KCNIP1: variants seen among roughly 807,000 people sequenced by gnomAD.
KCNIP1 encodes the protein A-type potassium channel modulatory protein KCNIP1.
Under a neutral mutation model 33.0 loss-of-function variants are expected in KCNIP1, and 18 were observed. The ratio of observed to expected loss-of-function variants is 0.55; its 90% CI spans 0.38 to 0.81. The LOEUF (loss-of-function observed/expected upper bound fraction) is 0.81. Among genes scored for constraint, KCNIP1 ranks in the 30% least tolerant of loss-of-function variants. The probability of loss-of-function intolerance (pLI) is 0.00; values close to 1 mark genes in which losing one functional copy is unlikely to be tolerated. For missense variants in KCNIP1, 238 were observed against 271.6 expected (o/e 0.88, Z 0.87); for synonymous variants, 93 against 98.3 (o/e 0.95, Z 0.32).
chr5:170,656,996 C>CTTTTT (rs397999901), intron 1 of KCNIP1, among the ~76,000 whole-genome samples: 96 of 109,684 alleles, frequency 8.8e-4, no homozygotes, highest in African/African-American at 1.3e-3. Context: ...TTCTTTCTTT[C>CTTTTT]TTTTTTTTTT....
intron 1 of KCNIP1, among the ~76,000 whole-genome samples, chr5:170,359,450 G>T (rs1348186856): frequency 1.3e-5 from 2 of 152,154 alleles, no homozygotes; most frequent in Non-Finnish European, 2.9e-5. Flanking sequence ...AAGCTTCAAT[G>T]CTGCCCCTTG....
chr5:170,572,459 C>G (rs1757453015), intron 1 of KCNIP1, among the ~76,000 whole-genome samples: 1 of 152,158 alleles, frequency 6.6e-6, no homozygotes, highest in South Asian at 2.1e-4. Context: ...ACAGTGCTTT[C>G]TTGAAGCTTC....
At chr5:170,412,642 G>T (rs1281074921) in intron 1 of KCNIP1, among the ~76,000 whole-genome samples, 1 of 152,190 alleles carries the variant, frequency 6.6e-6, no homozygotes, top group Non-Finnish European at 1.5e-5. Flanking sequence ...GGTCCTTGCA[G>T]TGCTGTCTTG....
At chr5:170,532,777 A>C (rs924597565) in intron 1 of KCNIP1, among the ~76,000 whole-genome samples, 2 of 152,120 alleles carry the variant, frequency 1.3e-5, no homozygotes, top group African/African-American at 4.8e-5. Context: ...GGGGAGGGTC[A>C]CAGTCCCTCA....
At chr5:170,557,881 G>A (rs1261915262) in intron 1 of KCNIP1, among the ~76,000 whole-genome samples, 2 of 152,194 alleles carry the variant, frequency 1.3e-5, no homozygotes, top group Admixed American at 1.3e-4. Flanking sequence ...TTGTTCTGAA[G>A]ATTAAATGAC....
rs533948229 is a variant in KCNIP1, at chr5:170,420,075, T to C, written c.88+66111T>C. ...ACATATGTAACATTACATTTTTTCA[T>C]AGCCACATTGAAAAGAAAAAGGAAC... On this transcript the variant is annotated intron_variant, in intron 1 of 7. Coordinates refer to the KCNIP1 transcript ENST00000377360. Among the ~76,000 whole-genome samples, 18 of 152,334 alleles carry C rather than the reference T, an allele frequency of 1.2e-4. 2 individuals are homozygous for C. Among genetic ancestry groups the C allele is most frequent in the African/African-American group, 4.3e-4 (18 of 41,578 alleles).
intron 1 of KCNIP1, among the ~76,000 whole-genome samples, chr5:170,597,780 G>GATAAATAAATAA (rs1561708477): frequency 3.3e-5 from 3 of 89,980 alleles, no homozygotes; most frequent in African/African-American, 1.5e-4. Flanking sequence ...TGGAGAGAGA[G>GATAAATAAATAA]ATAAATATAT....
At chr5:170,721,624 G>A (rs901821479) in intron 3 of KCNIP1, 1 of 898,356 alleles carries the variant, frequency 1.1e-6, no homozygotes, top group Non-Finnish European at 1.7e-6. Context: ...CTAGAGGGAG[G>A]GGCAAGGGCT....
chr5:170,485,955 A>G (rs1302480355), intron 1 of KCNIP1: 2 of 152,296 alleles, frequency 1.3e-5, no homozygotes, highest in African/African-American at 4.8e-5. Context: ...TTCTCATTTT[A>G]TCGTCCTAAG....
chr5:170,638,712 G>T (rs1760399328), intron 1 of KCNIP1, among the ~76,000 whole-genome samples: 1 of 149,298 alleles, frequency 6.7e-6, no homozygotes, highest in Non-Finnish European at 1.5e-5. Context: ...TGCTCTTGGG[G>T]GCAGCCAGTC....
intron 1 of KCNIP1, among the ~76,000 whole-genome samples, chr5:170,593,734 G>C (rs528464181): frequency 1.3e-5 from 2 of 152,144 alleles, no homozygotes; most frequent in African/African-American, 4.8e-5. Flanking sequence ...GGGCTGGGGG[G>C]CCTCATCCCT....
chr5:170,438,946 G>A (rs1450428958), intron 1 of KCNIP1, among the ~76,000 whole-genome samples: 1 of 152,092 alleles, frequency 6.6e-6, no homozygotes, highest in Non-Finnish European at 1.5e-5. Context: ...GACCCCTCGG[G>A]TACCTTTCAC....
chr5:170,578,736 T>A (rs560600532), intron 1 of KCNIP1, among the ~76,000 whole-genome samples: 1 of 152,168 alleles, frequency 6.6e-6, no homozygotes, highest in Non-Finnish European at 1.5e-5. Context: ...ATAAATGCTA[T>A]GGAAGAAATA....
rs567183672 is a variant in KCNIP1, at chr5:170,717,988, C to T, written c.62-770C>T. Among the ~76,000 whole-genome samples, 12 of 152,340 alleles carry T rather than the reference C, an allele frequency of 7.9e-5. No homozygotes were observed. In the South Asian group the frequency reaches 2.3e-3, roughly 29 times the overall value. The stretch of plus-strand genomic sequence containing the variant: ...TGATGGTAAAACGTTGAAAATTCCA[C>T]GGACTTGGACCTTGTGATCCTTCAG... On this transcript the variant is annotated intron_variant, in intron 1 of 7. Coordinates refer to ENST00000328939, the MANE Select transcript of KCNIP1 (RefSeq NM_014592.4).
intron 1 of KCNIP1, among the ~76,000 whole-genome samples, chr5:170,560,351 G>C (rs1324058142): frequency 6.6e-6 from 1 of 152,202 alleles, no homozygotes; most frequent in Non-Finnish European, 1.5e-5. Context: ...TCAGGTTTCA[G>C]ATCTGCTGGA....
chr5:170,521,085 C>A (rs1390797967), intron 1 of KCNIP1, among the ~76,000 whole-genome samples: 2 of 152,180 alleles, frequency 1.3e-5, no homozygotes, highest in Non-Finnish European at 2.9e-5. Context: ...GGGTCTCAGG[C>A]AACAGACTTG....
intron 1 of KCNIP1, among the ~76,000 whole-genome samples, chr5:170,521,913 C>G (rs1476907399): frequency 6.6e-6 from 1 of 152,200 alleles, no homozygotes. Flanking sequence ...AGGGACCTAG[C>G]CTCCTTCCAT....
chr5:170,591,846 G>A (rs1053781660), intron 1 of KCNIP1, among the ~76,000 whole-genome samples: 2 of 152,092 alleles, frequency 1.3e-5, no homozygotes, highest in African/African-American at 2.4e-5. Flanking sequence ...TTCACTTGTC[G>A]ATGGAAATTT....
intron 1 of KCNIP1, among the ~76,000 whole-genome samples, chr5:170,534,708 A>G (rs918170137): frequency 4.6e-5 from 7 of 151,732 alleles, no homozygotes; most frequent in African/African-American, 1.5e-4. Context: ...TTTTGTAGAA[A>G]TGGGGGTCTC....
Sources: allele counts gnomAD v4.1 joint callset (sites outside exome capture counted in the v4.1 genomes callset), GRCh38; gene constraint gnomAD v4.1.1; transcripts MANE v1.5; gene names NCBI Gene and HGNC (gene_info 2026-07-23, HGNC 2026-07-21).